The following C2CD3 variants were observed in gnomAD, a reference collection of about 807,000 sequenced individuals.
C2CD3 encodes the protein C2 domain containing 3 centriole elongation regulator.
In C2CD3, 148 loss-of-function variants were observed where a neutral mutation model predicts 234.0. The observed-to-expected ratio is 0.63, with a 90% CI of 0.55 to 0.72. The LOEUF (loss-of-function observed/expected upper bound fraction) is 0.72. Among genes scored for constraint, C2CD3 ranks in the 30% least tolerant of loss-of-function variants. The pLI, the probability that C2CD3 is intolerant of heterozygous loss-of-function variation, is 0.00. For synonymous variants in C2CD3, 1,000 were observed against 1,035.4 expected (o/e 0.97, Z 0.66); for missense variants, 2,577 against 2,811.5 (o/e 0.92, Z 1.89).
chr11:74,078,589 G>A lies in C2CD3; in HGVS notation c.4129C>T (p.Arg1377Trp), dbSNP rs1178073610. 3.1e-6 allele frequency: 5 copies of A among 1,614,068 alleles called. No homozygotes were observed. Among genetic ancestry groups the A allele is most frequent in the Middle Eastern group, 1.6e-4 (1 of 6,062 alleles). ...AAATGCTCAGCAGCTTCCAACACCC[G>A]TTCTCTATCTCCACGATGCGTGAAG... ...ISFTHRGDRE[R>W]VLEAAEHLGW... Residue 1377 changes from arginine (R) to tryptophan (W), a missense_variant, in exon 23 of 33, where the codon CGG becomes TGG. Physicochemically the swap from Arg to Trp is moderately radical, Grantham distance 101. Coordinates refer to ENST00000334126, the MANE Select transcript of C2CD3 (RefSeq NM_001286577.2).
At chr11:74,146,222 T>C (rs1855177783) in intron 3 of C2CD3, among the ~76,000 whole-genome samples, 1 of 152,114 alleles carries the variant, frequency 6.6e-6, no homozygotes, top group Non-Finnish European at 1.5e-5. Flanking sequence ...ATGGTAAAAT[T>C]TATAAAAGAA....
intron 3 of C2CD3, among the ~76,000 whole-genome samples, chr11:74,156,142 T>C (rs983910130): frequency 1.3e-5 from 2 of 151,920 alleles, no homozygotes; most frequent in Non-Finnish European, 2.9e-5. Context: ...GGCATGGTGG[T>C]GCACGCCTGT....
Position 74,098,024 on chromosome 11 carries a change from T to G in C2CD3, c.2964A>C (p.Ala988=). Residue 988 remains alanine, a synonymous_variant, in exon 16 of 33, where the codon GCA becomes GCC. Transcript: ENST00000334126. ...CGTTTATTACCATAGCAACAGATGCTGCAGTTGGCTGGTCCAGGAAATGGG... is the reference window on the plus strand; with the variant it reads ...CGTTTATTACCATAGCAACAGATGCGGCAGTTGGCTGGTCCAGGAAATGGG... ...RPAHFLDQPT[A]ASVAMAEDRG... The G allele has an allele frequency of 6.2e-7, 1 of 1,614,058 alleles. No individual in the cohort carries two copies. Among genetic ancestry groups the G allele is most frequent in the East Asian group, 2.2e-5 (1 of 44,882 alleles).
At chr11:74,126,994 T>C (rs1387891304) in intron 7 of C2CD3, among the ~76,000 whole-genome samples, 2 of 152,194 alleles carry the variant, frequency 1.3e-5, no homozygotes, top group Non-Finnish European at 2.9e-5. Context: ...TAAAAGTATA[T>C]ATATTTGTTT....
chr11:74,060,506 G>A (rs545530305), intron 24 of C2CD3, among the ~76,000 whole-genome samples: 1 of 152,164 alleles, frequency 6.6e-6, no homozygotes, highest in South Asian at 2.1e-4. Flanking sequence ...AGGCAAACAG[G>A]GTCTGGAGTG....
chr11:74,164,552 C>T (rs1286045544), intron 2 of C2CD3, among the ~76,000 whole-genome samples: 2 of 152,176 alleles, frequency 1.3e-5, no homozygotes, highest in Non-Finnish European at 2.9e-5. Context: ...ATTCGTCACT[C>T]AGAAAATCAG....
intron 12 of C2CD3, among the ~76,000 whole-genome samples, chr11:74,107,239 C>T (rs1018503978): frequency 4.6e-5 from 7 of 151,924 alleles, no homozygotes; most frequent in African/African-American, 1.5e-4. Flanking sequence ...GCAGGAGAAT[C>T]GCTCGAACCC....
intron 26 of C2CD3, among the ~76,000 whole-genome samples, chr11:74,052,089 G>C (rs1288592570): frequency 6.6e-6 from 1 of 152,204 alleles, no homozygotes; most frequent in African/African-American, 2.4e-5. Context: ...GGAACACCAG[G>C]CATAAGTGGG....
intron 7 of C2CD3, chr11:74,129,151 C>A (rs1438928530): frequency 1.7e-5 from 3 of 174,478 alleles, no homozygotes; most frequent in Admixed American, 6.4e-5. Context: ...ACCTCCCGGA[C>A]GGGGCGGCTG....
chr11:74,032,997 T>C (rs555154528), intron 31 of C2CD3, among the ~76,000 whole-genome samples: 1 of 152,308 alleles, frequency 6.6e-6, no homozygotes, highest in Non-Finnish European at 1.5e-5. Flanking sequence ...GGCAGTGATT[T>C]TCTTTCCTCT....
At chr11:74,049,700 C>A (rs986743290) in intron 26 of C2CD3, among the ~76,000 whole-genome samples, 158 bp from the exon 27 acceptor site, 27 of 152,244 alleles carry the variant, frequency 1.8e-4, no homozygotes, top group African/African-American at 6.5e-4. Context: ...GGACTGGCAA[C>A]CAAAGCCTGC....
Position 74,048,470 on chromosome 11 carries a change from T to G in C2CD3, c.5362-132A>C, listed in dbSNP as rs1044376820. 3 of 811,120 alleles carry G rather than the reference T, an allele frequency of 3.7e-6. No individual in the cohort carries two copies. In the African/African-American group the frequency reaches 5.2e-5, roughly 14 times the overall value. The allele number at this position is 811,120 out of a possible 1,614,324, so 50.2% of individuals were successfully genotyped here. On this transcript the variant is annotated intron_variant, in intron 27 of 32. Transcript: ENST00000334126. Reference sequence around the variant, plus strand: ...GAATACTTTGTGTTAAACACTGTGCTAAACAATTTACATACATTTTCTCAT... The same window carrying G: ...GAATACTTTGTGTTAAACACTGTGCGAAACAATTTACATACATTTTCTCAT...
intron 32 of C2CD3, among the ~76,000 whole-genome samples, chr11:74,014,218 T>C (rs1295960996): frequency 1.3e-5 from 2 of 152,174 alleles, no homozygotes; most frequent in African/African-American, 4.8e-5. Flanking sequence ...CTCAAAGCTA[T>C]ACAGGAAAGC....
intron 24 of C2CD3, among the ~76,000 whole-genome samples, chr11:74,062,709 A>G (rs1365882648): frequency 6.6e-6 from 1 of 151,900 alleles, no homozygotes; most frequent in African/African-American, 2.4e-5. Flanking sequence ...ATCACAATTA[A>G]AAGAACTGGA....
At chr11:74,080,521 G>A (rs962462054) in intron 22 of C2CD3, among the ~76,000 whole-genome samples, 5 of 152,052 alleles carry the variant, frequency 3.3e-5, no homozygotes, top group African/African-American at 1.2e-4. Flanking sequence ...AAAATTTCAC[G>A]CCATTTCAGT....
At chr11:74,062,707 T>G (rs1426130425) in intron 24 of C2CD3, among the ~76,000 whole-genome samples, 5 of 149,566 alleles carry the variant, frequency 3.3e-5, no homozygotes, top group African/African-American at 1.3e-4. Context: ...ACATCACAAT[T>G]AAAAGAACTG....
At chr11:74,121,915 CTCAT>C (rs1957231804) in intron 8 of C2CD3, among the ~76,000 whole-genome samples, 2 of 152,212 alleles carry the variant, frequency 1.3e-5, no homozygotes, top group African/African-American at 4.8e-5. Context: ...TGCAGGTACT[CTCAT>C]TCAGGCATTC....
In C2CD3 at chr11:74,034,231, G is replaced by A. The variant is rs748668786; in HGVS notation, c.5929C>T (p.Arg1977Ter). The A allele has an allele frequency of 6.2e-5, 95 of 1,535,982 alleles. No individual in the cohort carries two copies. Among genetic ancestry groups the A allele is most frequent in the Non-Finnish European group, 7.8e-5 (89 of 1,146,888 alleles). Residue 1977 changes from arginine to a stop codon, truncating the protein, a stop_gained, in exon 31 of 33, where the codon CGA (arginine) becomes TGA (stop). Coordinates refer to ENST00000334126, the MANE Select transcript of C2CD3 (RefSeq NM_001286577.2). LOFTEE classifies it high-confidence loss of function. ...GCCTTGTTGCTTCTACTCCTGGCTC[G>A]GTGAGAACTCAAAGCTGCTTGCGAA... Reference protein sequence around the residue: ...RDSQAALSSHRARSRSNKATT... With the variant: ...RDSQAALSSH
At position 74,168,675 on chromosome 11, in the gene C2CD3, T is replaced by C. The variant is rs1029515834; in HGVS notation, c.56-62A>G. 10 of 1,444,102 alleles carry C rather than the reference T, an allele frequency of 6.9e-6. No individual in the cohort carries two copies. The South Asian group carries it at 7.7e-5, about 11-fold the overall frequency. The allele number at this position is 1,444,102 out of a possible 1,614,324, so 89.5% of individuals were successfully genotyped here. On this transcript the variant is annotated intron_variant, in intron 1 of 32. Transcript: ENST00000334126. ...GACTAAATATAGAAAACATATAATA[T>C]GCTTTTTGAATGAAAACAAACAGAA...
Sources: allele counts gnomAD v4.1 joint callset (sites outside exome capture counted in the v4.1 genomes callset), GRCh38; gene constraint gnomAD v4.1.1; transcripts MANE v1.5; gene names NCBI Gene and HGNC (gene_info 2026-07-23, HGNC 2026-07-21).